KHDRBS2: variants seen among roughly 807,000 people sequenced by gnomAD.
The protein encoded by KHDRBS2 is KH RNA binding domain containing, signal transduction associated 2, also known as KH domain-containing, RNA-binding, signal transduction-associated protein 2.
KHDRBS2 carries 26 observed loss-of-function variants against 44.3 expected under a neutral mutation model. The observed-to-expected ratio is 0.59, with a 90% confidence interval of 0.43 to 0.81. The LOEUF (loss-of-function observed/expected upper bound fraction) is 0.81. Ranked by LOEUF, KHDRBS2 falls within the 40% of genes least tolerant of loss-of-function variation. The probability of loss-of-function intolerance (pLI) is 0.00; values close to 1 mark genes in which losing one functional copy is unlikely to be tolerated. For missense variants in KHDRBS2, 476 were observed against 433.1 expected, an observed-to-expected ratio of 1.10 and a Z score of -0.88; for synonymous variants, 194 against 151.1, an observed-to-expected ratio of 1.28 and a Z score of -2.08.
intron 2 of KHDRBS2, among the ~76,000 whole-genome samples, chr6:62,142,650 T>A (rs1287171858): frequency 6.6e-6 from 1 of 151,964 alleles, no homozygotes; most frequent in African/African-American, 2.4e-5. Context: ...ATAGGACTAC[T>A]TTAAGTCCCG....
chr6:61,940,208 G>A lies in KHDRBS2; in HGVS notation c.483+37858C>T, dbSNP rs377289157. Among the ~76,000 whole-genome samples the A allele has an allele frequency of 3.3e-5, 5 of 151,198 alleles. No individual in the cohort carries two copies. In the East Asian group the frequency reaches 5.8e-4, roughly 18 times the overall value. On this transcript the variant is annotated intron_variant, in intron 4 of 8. Coordinates refer to ENST00000281156, the MANE Select transcript of KHDRBS2 (RefSeq NM_152688.4). ...GAAATATATAAATTGCAGTTAAAAG[G>A]TCTTTGAAAATAGTGTAGTGGTAAA...
chr6:61,747,576 A>G (rs1051746159), intron 6 of KHDRBS2, among the ~76,000 whole-genome samples: 11 of 151,638 alleles, frequency 7.3e-5, no homozygotes, highest in Admixed American at 3.3e-4. Context: ...TGACAAATGC[A>G]TATCAAAATG....
At chr6:61,878,345 C>T (rs1799737214) in intron 6 of KHDRBS2, among the ~76,000 whole-genome samples, 1 of 152,058 alleles carries the variant, frequency 6.6e-6, no homozygotes, top group African/African-American at 2.4e-5. Context: ...TTTCCCCTAA[C>T]TTATTTTTCA....
At chr6:61,741,600 T>C (rs1776145188) in intron 6 of KHDRBS2, among the ~76,000 whole-genome samples, 4 of 151,862 alleles carry the variant, frequency 2.6e-5, no homozygotes, top group Non-Finnish European at 4.4e-5. Flanking sequence ...ACTCAATAGG[T>C]AGTTTTTCTT....
chr6:62,284,395 G>T (rs1842192275), intron 1 of KHDRBS2, among the ~76,000 whole-genome samples: 1 of 151,978 alleles, frequency 6.6e-6, no homozygotes, highest in South Asian at 2.1e-4. Flanking sequence ...ATATATTAAA[G>T]ATACTGAAGA....
chr6:62,026,458 G>A (rs556073246), intron 3 of KHDRBS2, among the ~76,000 whole-genome samples: 4 of 148,510 alleles, frequency 2.7e-5, no homozygotes, highest in African/African-American at 9.9e-5. Flanking sequence ...TTGGAGAAAA[G>A]GTCTCATTCT....
chr6:61,652,915 A>T, the KHDRBS2 span, among the ~76,000 whole-genome samples: 1 of 152,152 alleles, frequency 6.6e-6, no homozygotes, highest in Non-Finnish European at 1.5e-5. Context: ...TATAAAAGAA[A>T]AAGTACCTTT....
chr6:61,925,527 G>C (rs1207355107), intron 4 of KHDRBS2, among the ~76,000 whole-genome samples: 2 of 152,028 alleles, frequency 1.3e-5, no homozygotes, highest in African/African-American at 4.8e-5. Context: ...GCCAGCCTCG[G>C]CAACGTAGTG....
At chr6:61,872,805 T>C (rs1201502847) in intron 6 of KHDRBS2, among the ~76,000 whole-genome samples, 2 of 152,070 alleles carry the variant, frequency 1.3e-5, no homozygotes, top group Admixed American at 1.3e-4. Flanking sequence ...ATTAAAAAGA[T>C]ATGAAAATTA....
the KHDRBS2 span, among the ~76,000 whole-genome samples, chr6:61,571,904 CA>C: frequency 3.3e-5 from 5 of 151,812 alleles, no homozygotes; most frequent in Admixed American, 2.6e-4. Context: ...GGTCACATCT[CA>C]AGGAATTAGA....
intron 1 of KHDRBS2, among the ~76,000 whole-genome samples, chr6:62,245,586 A>G (rs1180571936): frequency 1.3e-5 from 2 of 152,162 alleles, no homozygotes; most frequent in Non-Finnish European, 2.9e-5. Context: ...AAAAGATTCA[A>G]TATATTTTAA....
chr6:61,889,747 G>A (rs1313404309), intron 6 of KHDRBS2, among the ~76,000 whole-genome samples: 5 of 152,164 alleles, frequency 3.3e-5, no homozygotes, highest in African/African-American at 1.2e-4. Flanking sequence ...TCCTCTGCAC[G>A]CTCCAACAGC....
At chr6:61,624,035 A>G in the KHDRBS2 span, among the ~76,000 whole-genome samples, 1 of 152,214 alleles carries the variant, frequency 6.6e-6, no homozygotes, top group East Asian at 1.9e-4. Flanking sequence ...TGGAAAAGAA[A>G]AAGTTTAGAA....
intron 6 of KHDRBS2, among the ~76,000 whole-genome samples, chr6:61,806,501 G>A (rs1472133028): frequency 1.3e-5 from 2 of 152,102 alleles, no homozygotes; most frequent in Admixed American, 6.6e-5. Context: ...GCTTTGCCAA[G>A]CCATTCCCAA....
intron 4 of KHDRBS2, among the ~76,000 whole-genome samples, chr6:61,972,404 A>G (rs1771614611): frequency 6.6e-6 from 1 of 152,330 alleles, no homozygotes; most frequent in Middle Eastern, 3.4e-3. Context: ...TCAGACTATT[A>G]TCATAGTGCT....
the KHDRBS2 span, among the ~76,000 whole-genome samples, chr6:61,619,115 A>G: frequency 1.3e-5 from 2 of 151,978 alleles, no homozygotes; most frequent in Admixed American, 6.6e-5. Context: ...AAAAAGTTTA[A>G]TTAAAAATTT....
chr6:61,993,666 TA>T (rs1776578997), intron 3 of KHDRBS2, among the ~76,000 whole-genome samples: 2 of 123,114 alleles, frequency 1.6e-5, no homozygotes, highest in African/African-American at 5.7e-5. Context: ...TATATATATA[TA>T]TATATATTTT....
intron 6 of KHDRBS2, among the ~76,000 whole-genome samples, chr6:61,856,538 G>T (rs1427551567): frequency 2.0e-5 from 3 of 149,228 alleles, no homozygotes; most frequent in Non-Finnish European, 4.5e-5. Flanking sequence ...AAAATGCTTG[G>T]ATTATGATTG....
At chr6:61,640,855 C>G in the KHDRBS2 span, among the ~76,000 whole-genome samples, 1 of 152,108 alleles carries the variant, frequency 6.6e-6, no homozygotes. Flanking sequence ...AGAAAGATGG[C>G]ATTCAAAGGC....
Sources: allele counts gnomAD v4.1 joint callset (sites outside exome capture counted in the v4.1 genomes callset), GRCh38; gene constraint gnomAD v4.1.1; transcripts MANE v1.5; gene names NCBI Gene and HGNC (gene_info 2026-07-23, HGNC 2026-07-21).